DAB2IP: variants seen among roughly 807,000 people sequenced by gnomAD.
The protein encoded by DAB2IP is DAB2 interacting protein.
Under a neutral mutation model 107.2 loss-of-function variants are expected in DAB2IP, and 28 were observed. The ratio of observed to expected loss-of-function variants is 0.26; its 90% CI spans 0.19 to 0.36. DAB2IP has a LOEUF of 0.36. Among genes scored for constraint, DAB2IP ranks in the 10% least tolerant of loss-of-function variants. DAB2IP has a pLI of 1.00. For missense variants in DAB2IP, 1,400 were observed against 1,644.7 expected (o/e 0.85, Z 2.57); for synonymous variants, 755 against 706.4 (o/e 1.07, Z -1.09).
chr9:121,713,577 G>C (rs1196589956), intron 3 of DAB2IP, among the ~76,000 whole-genome samples: 2 of 152,212 alleles, frequency 1.3e-5, no homozygotes, highest in Admixed American at 6.5e-5. Context: ...ACTTTGGCCA[G>C]TAGTGGTGGT....
intron 1 of DAB2IP, among the ~76,000 whole-genome samples, chr9:121,645,483 A>G (rs1832504179): frequency 6.6e-6 from 1 of 152,142 alleles, no homozygotes; most frequent in Admixed American, 6.5e-5. Flanking sequence ...TGGCGGCTGT[A>G]TTTGGGTTCC....
intron 3 of DAB2IP, chr9:121,737,105 C>A (rs2118878641): frequency 1.2e-6 from 1 of 858,970 alleles, no homozygotes; most frequent in Non-Finnish European, 1.4e-6. Context: ...CAGGATATGA[C>A]CTTGGGCGGA....
At chr9:121,708,386 AC>A (rs1830163595) in intron 3 of DAB2IP, among the ~76,000 whole-genome samples, 1 of 152,050 alleles carries the variant, frequency 6.6e-6, no homozygotes, top group African/African-American at 2.4e-5. Flanking sequence ...TTTGAAATAA[AC>A]CCTCTCCCTC....
chr9:121,625,089 A>G lies in DAB2IP; in HGVS notation c.41-53589A>G, dbSNP rs542121919. Among the ~76,000 whole-genome samples the G allele has an allele frequency of 2.8e-3, 432 of 152,342 alleles. 5 individuals carry two copies. The highest frequency in any genetic ancestry group is 9.9e-3 in the African/African-American group (410 of 41,574). On this transcript the variant is annotated intron_variant, in intron 1 of 16. Transcript: ENST00000259371. ...GTCAGCCCCTCTGTGACGTGTCCAC[A>G]TAACATCCATAGGAAGTTATTGTTT... is the stretch of plus-strand genomic sequence containing the variant.
At position 121,601,100 on chromosome 9, in the gene DAB2IP, C is replaced by T. The variant is rs116961289; in HGVS notation, c.40+33872C>T. On this transcript the variant is annotated intron_variant, in intron 1 of 16. Coordinates refer to the DAB2IP transcript ENST00000259371. ...TAAACAGCCTCACACATTCTTATCC[C>T]TGCAATGAACTATTCAGAATGTACA... 4.0e-3 allele frequency among the ~76,000 whole-genome samples: 611 copies of T among 152,336 alleles called. 3 individuals carry two copies. The highest frequency in any genetic ancestry group is 7.1e-3 in the Non-Finnish European group (481 of 68,034).
chr9:121,679,028 G>A (rs769704987), intron 2 of DAB2IP, among the ~76,000 whole-genome samples: 4 of 152,204 alleles, frequency 2.6e-5, no homozygotes, highest in East Asian at 3.9e-4. Flanking sequence ...AGACAGCACC[G>A]AAGGCTATGG....
chr9:121,779,714 C>T (rs1487818155), intron 14 of DAB2IP, among the ~76,000 whole-genome samples: 3 of 152,084 alleles, frequency 2.0e-5, no homozygotes, highest in African/African-American at 4.8e-5. Flanking sequence ...ACTGCTTCTG[C>T]GATTGTTTCG....
chr9:121,626,298 G>A (rs1010582119), intron 1 of DAB2IP, among the ~76,000 whole-genome samples: 1 of 151,916 alleles, frequency 6.6e-6, no homozygotes, highest in Non-Finnish European at 1.5e-5. Context: ...CAGAGAGCCT[G>A]TGTTTCCGGG....
At chr9:121,763,398 T>C in intron 6 of DAB2IP, 107 bp from the exon 7 acceptor site, 1 of 1,455,372 alleles carries the variant, frequency 6.9e-7, no homozygotes, top group Non-Finnish European at 9.2e-7. Context: ...AGCTTGGTGA[T>C]GGAACAGCCT....
intron 2 of DAB2IP, among the ~76,000 whole-genome samples, chr9:121,691,456 G>A (rs1829156177): frequency 6.7e-6 from 1 of 150,352 alleles, no homozygotes; most frequent in Non-Finnish European, 1.5e-5. Context: ...CAAAGGAAGT[G>A]ATAGCAGTGA....
intron 1 of DAB2IP, among the ~76,000 whole-genome samples, chr9:121,580,934 A>G (rs615721): frequency 0.98 from 148,773 of 152,340 alleles, 72,733 homozygotes; most frequent in East Asian, 1. Context: ...CGCCCATCTA[A>G]GAACTTTGAG....
intron 3 of DAB2IP, among the ~76,000 whole-genome samples, chr9:121,718,233 C>T (rs142274420): frequency 0.014 from 2,168 of 152,268 alleles, 47 homozygotes; most frequent in Non-Finnish European, 0.022. Flanking sequence ...CTCCCAGCTC[C>T]CTCACGCCCT....
At chr9:121,749,158 C>T (rs1320926109) in intron 3 of DAB2IP, among the ~76,000 whole-genome samples, 1 of 152,220 alleles carries the variant, frequency 6.6e-6, no homozygotes, top group Non-Finnish European at 1.5e-5. Context: ...CCAGCTGGGC[C>T]AGGAGTGAGC....
In DAB2IP at chr9:121,576,762, G is replaced by A. The variant is rs112507596; in HGVS notation, c.40+9534G>A. Among the ~76,000 whole-genome samples the A allele has an allele frequency of 7.9e-3, 1,196 of 152,208 alleles. 18 individuals carry two copies. The highest frequency in any genetic ancestry group is 0.027 in the African/African-American group (1,141 of 41,502). ...GGTGGAAGGGCAGATTCTGGGGGGG[G>A]AGGGGAAACGATGTTCTGGGCTTGC... On this transcript the variant is annotated intron_variant, in intron 1 of 16. Coordinates refer to the DAB2IP transcript ENST00000259371.
intron 13 of DAB2IP, among the ~76,000 whole-genome samples, chr9:121,775,353 G>C (rs1314610121): frequency 1.3e-5 from 2 of 152,166 alleles, no homozygotes; most frequent in African/African-American, 4.8e-5. Context: ...CACCATCCCC[G>C]GTCCGCTACA....
chr9:121,614,632 C>T (rs1418139672), intron 1 of DAB2IP, among the ~76,000 whole-genome samples: 2 of 152,000 alleles, frequency 1.3e-5, no homozygotes, highest in African/African-American at 4.8e-5. Flanking sequence ...AGCCACTGCG[C>T]CCGGCCCCAC....
rs28831685 is a variant in DAB2IP, at chr9:121,671,025, C to T, written c.125-7653C>T. Among the ~76,000 whole-genome samples the T allele has an allele frequency of 5.0e-3, 756 of 152,264 alleles. 7 individuals carry two copies. Among genetic ancestry groups the T allele is most frequent in the African/African-American group, 0.017 (692 of 41,528 alleles). On this transcript the variant is annotated intron_variant, in intron 1 of 15. Coordinates refer to ENST00000408936, the Ensembl canonical transcript of DAB2IP. The stretch of plus-strand genomic sequence containing the variant: ...AATTAGCTGAGCATGGTGGCACACA[C>T]CTGTAGTCCCAGCTACTCGGGATGC...
At chr9:121,648,403 A>G (rs1322573147), upstream of DAB2IP, among the ~76,000 whole-genome samples, 1 of 152,114 alleles carries the variant, frequency 6.6e-6, no homozygotes, top group Non-Finnish European at 1.5e-5. Context: ...TGGTGGTGGG[A>G]AAGAGTGTCT....
Position 121,592,725 on chromosome 9 carries a change from C to T in DAB2IP, c.40+25497C>T, listed in dbSNP as rs545914717. On this transcript the variant is annotated intron_variant, in intron 1 of 16. Transcript: ENST00000259371. ...TGGAAGAACTCGACAAGTGGACATA[C>T]GTGGATTTTGCAGATATAGTGCAGA... is the stretch of plus-strand genomic sequence containing the variant. Among the ~76,000 whole-genome samples, 12 of 152,310 alleles carry T rather than the reference C, an allele frequency of 7.9e-5. No homozygotes were observed. The South Asian group carries it at 2.5e-3, about 32-fold the overall frequency.
Sources: allele counts gnomAD v4.1 joint callset (sites outside exome capture counted in the v4.1 genomes callset), GRCh38; gene constraint gnomAD v4.1.1; transcripts MANE v1.5; gene names NCBI Gene and HGNC (gene_info 2026-07-23, HGNC 2026-07-21).